The following ARL15 variants were observed in gnomAD, a reference collection of about 807,000 sequenced individuals.
ARL15 encodes the protein ARF like GTPase 15, also known as ADP-ribosylation factor-like protein 15.
Under a neutral mutation model 25.2 loss-of-function variants are expected in ARL15, and 19 were observed. The ratio of observed to expected loss-of-function variants is 0.75; its 90% confidence interval spans 0.53 to 1.10. ARL15 has a LOEUF of 1.10. Ranked by LOEUF, ARL15 falls within the 50% of genes least tolerant of loss-of-function variation. The pLI, the probability that ARL15 is intolerant of heterozygous loss-of-function variation, is 0.00. For synonymous variants in ARL15, 94 were observed against 86.8 expected, an observed-to-expected ratio of 1.08 and a Z score of -0.46; for missense variants, 220 against 246.0, an observed-to-expected ratio of 0.89 and a Z score of 0.71.
intron 4 of ARL15, among the ~76,000 whole-genome samples, chr5:53,999,409 T>C (rs924994297): frequency 6.8e-6 from 1 of 147,884 alleles, no homozygotes; most frequent in Non-Finnish European, 1.5e-5. Context: ...GCCAACATGG[T>C]GAAATCCCGT....
rs139402280 is a variant in ARL15, at chr5:54,023,719, T to C, written c.462+89483A>G. The stretch of plus-strand genomic sequence containing the variant: ...CAAAGCAAAAGATGAAGTTATTCTC[T>C]GAAGTTCCCTTATCTGCTGAGAGTC... On this transcript the variant is annotated intron_variant, in intron 4 of 4. Transcript: ENST00000504924. Among the ~76,000 whole-genome samples the C allele has an allele frequency of 2.0e-5, 3 of 152,330 alleles. 1 individual carries two copies. The highest frequency in any genetic ancestry group is 4.1e-4 in the South Asian group (2 of 4,820).
At chr5:54,036,121 G>T (rs974110789) in intron 4 of ARL15, among the ~76,000 whole-genome samples, 56 of 151,542 alleles carry the variant, frequency 3.7e-4, no homozygotes, top group African/African-American at 1.3e-3. Context: ...ATGCACTCCA[G>T]TCTGGGCAAC....
intron 4 of ARL15, among the ~76,000 whole-genome samples, chr5:54,027,293 A>G (rs1417322671): frequency 1.3e-5 from 2 of 152,188 alleles, no homozygotes; most frequent in Non-Finnish European, 2.9e-5. Flanking sequence ...AGCTGTGCTT[A>G]TAGAAAGTTT....
At chr5:54,093,706 GAAA>G (rs1024505236) in intron 4 of ARL15, among the ~76,000 whole-genome samples, 1 of 136,462 alleles carries the variant, frequency 7.3e-6, no homozygotes, top group South Asian at 2.4e-4. Flanking sequence ...AAAAAAAAAA[GAAA>G]AAAGACTGAT....
chr5:54,247,677 C>G (rs1401873782), intron 1 of ARL15, among the ~76,000 whole-genome samples: 1 of 151,408 alleles, frequency 6.6e-6, no homozygotes, highest in Non-Finnish European at 1.5e-5. Context: ...CTAAAAATTC[C>G]CCTTCAAAAT....
intron 1 of ARL15, among the ~76,000 whole-genome samples, chr5:54,231,382 A>ATGG (rs1756665966): frequency 1.3e-5 from 2 of 151,950 alleles, no homozygotes; most frequent in African/African-American, 4.8e-5. Context: ...TATAACATCC[A>ATGG]CTTCTCTGTC....
intron 4 of ARL15, among the ~76,000 whole-genome samples, chr5:53,992,697 C>A (rs1748542989): frequency 6.6e-6 from 1 of 151,444 alleles, no homozygotes; most frequent in Admixed American, 6.6e-5. Context: ...TGTTAGATGC[C>A]CATCCATCTC....
intron 4 of ARL15, among the ~76,000 whole-genome samples, chr5:53,941,334 G>T (rs960345006): frequency 1.3e-5 from 2 of 152,088 alleles, no homozygotes. Context: ...TCTCAGAAAA[G>T]AACAGAATGA....
intron 1 of ARL15, among the ~76,000 whole-genome samples, chr5:54,257,855 G>GT (rs1464079049): frequency 6.6e-6 from 1 of 152,102 alleles, no homozygotes; most frequent in East Asian, 1.9e-4. Flanking sequence ...TTTCCTGTTG[G>GT]TTTTTTTCAG....
At chr5:54,246,797 T>TACAC (rs61025147) in intron 1 of ARL15, among the ~76,000 whole-genome samples, 1,539 of 139,030 alleles carry the variant, frequency 0.011, 18 homozygotes, top group East Asian at 0.038. Flanking sequence ...AAAGCATGCA[T>TACAC]ACACACACAC....
At chr5:53,991,896 G>GA (rs1561179740) in intron 4 of ARL15, among the ~76,000 whole-genome samples, 3 of 151,962 alleles carry the variant, frequency 2.0e-5, no homozygotes, top group Admixed American at 2.0e-4. Context: ...GTAGCAGTTT[G>GA]AAAAAAATAA....
intron 4 of ARL15, among the ~76,000 whole-genome samples, chr5:53,958,902 T>C (rs996376715): frequency 6.6e-6 from 1 of 152,128 alleles, no homozygotes; most frequent in Non-Finnish European, 1.5e-5. Flanking sequence ...ATCTCCAAAG[T>C]ATATGAAGCC....
chr5:53,974,665 A>G (rs1747873026), intron 4 of ARL15, among the ~76,000 whole-genome samples: 1 of 152,234 alleles, frequency 6.6e-6, no homozygotes, highest in South Asian at 2.1e-4. Context: ...TTGTTCTAAT[A>G]GTTAACAAAA....
At chr5:54,048,398 TATATATATA>T in intron 4 of ARL15, 5 of 94,514 alleles carry the variant, frequency 5.3e-5, no homozygotes, top group African/African-American at 2.2e-4. Context: ...ATAAATTATA[TATATATATA>T]TTTTTTTTTT....
intron 2 of ARL15, among the ~76,000 whole-genome samples, chr5:54,171,408 T>A (rs1754714609): frequency 6.6e-6 from 1 of 152,174 alleles, no homozygotes; most frequent in African/African-American, 2.4e-5. Context: ...ATCAGTTTAC[T>A]ATTCAGGGAG....
intron 4 of ARL15, among the ~76,000 whole-genome samples, chr5:53,899,113 G>A (rs1194929937): frequency 6.6e-6 from 1 of 152,020 alleles, no homozygotes; most frequent in Non-Finnish European, 1.5e-5. Context: ...TTGGGAGGCT[G>A]AGGTGGGTGG....
chr5:54,291,249 GA>G lies in ARL15; in HGVS notation c.48+19182del, dbSNP rs1758311587. Among the ~76,000 whole-genome samples, 2 of 152,312 alleles carry G rather than the reference GA, an allele frequency of 1.3e-5. 1 individual carries two copies. The highest frequency in any genetic ancestry group is 4.1e-4 in the South Asian group (2 of 4,830). ...ACTTCAATAAGTGGTCCTCAGATGA[GA>G]AAAGAGAACAGATAATCCTTGGTTT... On this transcript the variant is annotated intron_variant, in intron 1 of 4. Transcript: ENST00000504924.
At chr5:54,161,941 G>A (rs186760573) in intron 2 of ARL15, among the ~76,000 whole-genome samples, 5 of 151,442 alleles carry the variant, frequency 3.3e-5, no homozygotes, top group Admixed American at 3.3e-4. Context: ...GGAGTTTGCT[G>A]TTTATTTCAG....
chr5:53,909,473 G>A (rs753140962), intron 4 of ARL15, among the ~76,000 whole-genome samples: 40 of 152,354 alleles, frequency 2.6e-4, no homozygotes, highest in Admixed American at 5.9e-4. Context: ...TAGGGAGGCC[G>A]AGGTGGGCAG....
Sources: allele counts gnomAD v4.1 joint callset (sites outside exome capture counted in the v4.1 genomes callset), GRCh38; gene constraint gnomAD v4.1.1; transcripts MANE v1.5; gene names NCBI Gene and HGNC (gene_info 2026-07-23, HGNC 2026-07-21).